CUL3: variants seen among roughly 807,000 people sequenced by gnomAD.
CUL3 encodes cullin 3.
Under a neutral mutation model 89.1 loss-of-function variants are expected in CUL3, and 19 were observed. The observed-to-expected ratio is 0.21, with a 90% CI of 0.15 to 0.31. CUL3 has a LOEUF of 0.31. CUL3 is among the 10% of genes least tolerant of loss of function. The pLI is 1.00. For synonymous variants in CUL3, 351 were observed against 308.4 expected, an observed-to-expected ratio of 1.14 and a Z score of -1.45; for missense variants, 469 against 942.3, an observed-to-expected ratio of 0.50 and a Z score of 6.58.
intron 3 of CUL3, chr2:224,532,842 A>G (rs933747933): frequency 6.6e-6 from 1 of 152,212 alleles, no homozygotes; most frequent in African/African-American, 2.4e-5. Flanking sequence ...GGATTGACCC[A>G]TAGCACAGGT....
intron 2 of CUL3, among the ~76,000 whole-genome samples, chr2:224,552,374 A>G (rs1694545894): frequency 6.6e-6 from 1 of 152,206 alleles, no homozygotes; most frequent in South Asian, 2.1e-4. Flanking sequence ...AAATGAACTA[A>G]ATTCCTATGG....
intron 2 of CUL3, among the ~76,000 whole-genome samples, chr2:224,552,850 G>A (rs1384306493): frequency 6.6e-6 from 1 of 152,136 alleles, no homozygotes; most frequent in Non-Finnish European, 1.5e-5. Flanking sequence ...CTGATGAGCA[G>A]ACCAAACAGT....
chr2:224,476,309 G>C (rs1337395509), intron 15 of CUL3, among the ~76,000 whole-genome samples: 1 of 152,104 alleles, frequency 6.6e-6, no homozygotes, highest in Non-Finnish European at 1.5e-5. Context: ...GAGCCACCGC[G>C]AGTCACACGC....
At chr2:224,570,737 A>G (rs1469444672) in intron 1 of CUL3, among the ~76,000 whole-genome samples, 1 of 152,238 alleles carries the variant, frequency 6.6e-6, no homozygotes, top group Non-Finnish European at 1.5e-5. Flanking sequence ...ATTGGGCTCT[A>G]GTATCATTAC....
intron 1 of CUL3, among the ~76,000 whole-genome samples, chr2:224,575,462 G>A (rs542741365): frequency 6.6e-6 from 1 of 152,194 alleles, no homozygotes; most frequent in African/African-American, 2.4e-5. Flanking sequence ...GTAAGAAAGG[G>A]GCAACTGGTA....
intron 12 of CUL3, among the ~76,000 whole-genome samples, chr2:224,497,001 AT>A (rs1692193715): frequency 6.6e-6 from 1 of 152,194 alleles, no homozygotes; most frequent in Admixed American, 6.5e-5. Context: ...ACTATTTCCC[AT>A]TTCAATTAAA....
chr2:224,512,582 T>C (rs1692873089), intron 5 of CUL3, among the ~76,000 whole-genome samples: 1 of 152,224 alleles, frequency 6.6e-6, no homozygotes, highest in Non-Finnish European at 1.5e-5. Context: ...AGTACCAGTT[T>C]AGCTTTACTT....
In CUL3 at chr2:224,511,470, G is replaced by A. The variant is rs773927741; in HGVS notation, c.767C>T (p.Thr256Met). The A allele has an allele frequency of 3.1e-6, 5 of 1,613,184 alleles. No individual in the cohort carries two copies. The highest frequency in any genetic ancestry group is 1.3e-5 in the African/African-American group (1 of 74,818). ...AACCACCTTTACAATTGGTTCTTCCGTTGATTTGTCAAGGCAGTGCATCAC... is the reference window on the plus strand; with the variant it reads ...AACCACCTTTACAATTGGTTCTTCCATTGATTTGTCAAGGCAGTGCATCAC... The part of the protein sequence containing the change: ...ERVMHCLDKS[T>M]EEPIVKVVER... Residue 256 changes from threonine to methionine, a missense_variant, in exon 6 of 16, where the codon ACG becomes ATG. Around this residue, in one of 4 missense-constraint regions of CUL3, gnomAD observed 370 missense variants for 733.2 expected, o/e 0.50. Transcript: ENST00000264414.
intron 13 of CUL3, 82 bp downstream of exon 13, chr2:224,495,750 G>C (rs2106178980): frequency 8.3e-7 from 1 of 1,205,690 alleles, no homozygotes; most frequent in Non-Finnish European, 1.2e-6. Context: ...ACTCTCTAAA[G>C]GTTATTCAAA....
chr2:224,516,628 T>C (rs895257077), intron 3 of CUL3, among the ~76,000 whole-genome samples: 1 of 151,514 alleles, frequency 6.6e-6, no homozygotes, highest in African/African-American at 2.4e-5. Context: ...CTCCTTGCTT[T>C]TGATGGCTAA....
At chr2:224,481,179 C>A (rs2106149735) in intron 14 of CUL3, among the ~76,000 whole-genome samples, 1 of 151,942 alleles carries the variant, frequency 6.6e-6, no homozygotes, top group East Asian at 1.9e-4. Context: ...TATCTTAGGA[C>A]ACTGTTTTAT....
intron 3 of CUL3, among the ~76,000 whole-genome samples, chr2:224,529,649 G>A (rs952945783): frequency 6.6e-6 from 1 of 151,918 alleles, no homozygotes; most frequent in African/African-American, 2.4e-5. Context: ...ATTAACGTAT[G>A]TAAGTAAAGC....
At chr2:224,515,063 A>G (rs548354288) in intron 3 of CUL3, among the ~76,000 whole-genome samples, 2 of 152,344 alleles carry the variant, frequency 1.3e-5, no homozygotes, top group Non-Finnish European at 2.9e-5. Context: ...AAAGGTAAAT[A>G]GTAAGGTAGC....
At chr2:224,499,434 C>T in intron 11 of CUL3, 1 of 240,570 alleles carries the variant, frequency 4.2e-6, no homozygotes, top group Non-Finnish European at 9.3e-6. Context: ...GAGGTCGTGA[C>T]AGATACTTGT....
intron 1 of CUL3, chr2:224,569,549 T>G (rs1451774408): frequency 3.9e-6 from 1 of 259,000 alleles, no homozygotes; most frequent in African/African-American, 2.3e-5. Flanking sequence ...CAGAAAAGTA[T>G]CAATAACAAA....
intron 13 of CUL3, among the ~76,000 whole-genome samples, chr2:224,489,414 G>A (rs1275210946): frequency 6.6e-6 from 1 of 152,154 alleles, no homozygotes; most frequent in African/African-American, 2.4e-5. Flanking sequence ...AAAGTCTCAG[G>A]ACACAAAATC....
At chr2:224,530,945 A>G (rs1445676246) in intron 3 of CUL3, among the ~76,000 whole-genome samples, 1 of 152,158 alleles carries the variant, frequency 6.6e-6, no homozygotes, top group Non-Finnish European at 1.5e-5. Flanking sequence ...CCCCATAAAA[A>G]TGTACTTTTA....
chr2:224,472,346 GT>G lies in CUL3; in HGVS notation c.*1898del, dbSNP rs1278834285. On this transcript the variant is annotated 3_prime_UTR_variant, in exon 16 of 16. Coordinates refer to ENST00000264414, the MANE Select transcript of CUL3 (RefSeq NM_003590.5). ...CAAATAAAGTTTTTACATCGCTCAT[GT>G]TTACTAACTCGACAATCTGAGCTGT... is the stretch of plus-strand genomic sequence containing the variant. The G allele has an allele frequency of 4.8e-6, 1 of 210,132 alleles. No homozygotes were observed. The highest frequency in any genetic ancestry group is 9.6e-6 in the Non-Finnish European group (1 of 103,714). The allele number at this position is 210,132 out of a possible 1,614,324, so 13.0% of individuals were successfully genotyped here.
intron 13 of CUL3, chr2:224,494,986 A>G (rs1403963781): frequency 6.6e-6 from 1 of 152,166 alleles, no homozygotes. Context: ...GAGCACATAT[A>G]TCTGACGAAG....
Sources: allele counts gnomAD v4.1 joint callset (sites outside exome capture counted in the v4.1 genomes callset), GRCh38; gene constraint gnomAD v4.1.1; regional missense constraint gnomAD v4.1.1; transcripts MANE v1.5; gene names NCBI Gene and HGNC (gene_info 2026-07-23, HGNC 2026-07-21).